The following BCAS3 variants were observed in gnomAD, a reference collection of about 807,000 sequenced individuals.
BCAS3 encodes the protein BCAS4/BCAS3 fusion.
A neutral mutation model predicts 116.1 loss-of-function variants in BCAS3; 53 were observed. That is an observed-to-expected ratio of 0.46 (90% CI 0.37 to 0.57). BCAS3 has a LOEUF of 0.57. BCAS3 is among the 20% of genes least tolerant of loss of function. The probability of loss-of-function intolerance (pLI) is 0.00; values close to 1 mark genes in which losing one functional copy is unlikely to be tolerated. For missense variants in BCAS3, 917 were observed against 1,165.4 expected (o/e 0.79, Z 3.10); for synonymous variants, 391 against 408.2 (o/e 0.96, Z 0.51).
chr17:60,751,719 T>C (rs2042485036), intron 6 of BCAS3, among the ~76,000 whole-genome samples: 2 of 152,068 alleles, frequency 1.3e-5, no homozygotes, highest in South Asian at 4.1e-4. Flanking sequence ...GTTTTTGTAA[T>C]TTTAGTAGAG....
At position 61,316,330 on chromosome 17, in the gene BCAS3, A is replaced by G. The variant is rs1310952563; in HGVS notation, c.2426-51997A>G. On this transcript the variant is annotated intron_variant, in intron 22 of 23. Coordinates refer to ENST00000407086, the MANE Select transcript of BCAS3 (RefSeq NM_017679.5). This position sits in a 1 kb window ranked among gnomAD's most constrained non-coding sequence, Gnocchi z 5.8. Reference sequence around the variant, plus strand: ...CAATAATAATAATATTAATAGTAATATAGCAGGTACTTAGTAAATGTGTGC... The same window carrying G: ...CAATAATAATAATATTAATAGTAATGTAGCAGGTACTTAGTAAATGTGTGC... 6.6e-6 allele frequency among the ~76,000 whole-genome samples: 1 copy of G among 152,168 alleles called. No individual in the cohort carries two copies. The highest frequency in any genetic ancestry group is 2.4e-5 in the African/African-American group (1 of 41,422).
intron 11 of BCAS3, among the ~76,000 whole-genome samples, chr17:60,906,842 A>C (rs1362395284): frequency 6.6e-6 from 1 of 152,196 alleles, no homozygotes. Context: ...CACGTTAAAA[A>C]GCCATGTAGT....
At position 61,088,362 on chromosome 17, in the gene BCAS3, C is replaced by T. The variant is rs1388090949; in HGVS notation, c.2425+3798C>T. 6.6e-6 allele frequency among the ~76,000 whole-genome samples: 1 copy of T among 152,202 alleles called. No homozygotes were observed. The highest frequency in any genetic ancestry group is 1.5e-5 in the Non-Finnish European group (1 of 68,044). On this transcript the variant is annotated intron_variant, in intron 22 of 23. Transcript: ENST00000407086. This position sits in a 1 kb window ranked among gnomAD's most constrained non-coding sequence, Gnocchi z 4.2. The stretch of plus-strand genomic sequence containing the variant: ...AAATGGGATTTGGGGCAGTTGCTCA[C>T]TTTTTCCCATATCCAGCTGATGAAC...
intron 22 of BCAS3, among the ~76,000 whole-genome samples, chr17:61,090,989 G>A (rs6504017): frequency 0.076 from 11,625 of 152,178 alleles, 1,442 homozygotes; most frequent in African/African-American, 0.26. Context: ...GATGTTAGAA[G>A]ACCAAAGTCA....
chr17:61,099,169 C>A (rs2074162174), intron 22 of BCAS3, among the ~76,000 whole-genome samples: 1 of 151,880 alleles, frequency 6.6e-6, no homozygotes. Context: ...ATTGGATTAC[C>A]TTATATGTAG....
chr17:61,067,271 GTGTATATATATATATATATATA>G (rs1166950106), intron 19 of BCAS3, among the ~76,000 whole-genome samples: 2 of 55,128 alleles, frequency 3.6e-5, no homozygotes, highest in African/African-American at 1.5e-4. Context: ...ATGTGTGTAT[GTGTATATATATATATATATATA>G]TATATATATA....
intron 10 of BCAS3, among the ~76,000 whole-genome samples, chr17:60,892,902 A>G (rs1291292156): frequency 6.6e-6 from 1 of 152,104 alleles, no homozygotes; most frequent in Non-Finnish European, 1.5e-5. Context: ...AGCCTGGCCA[A>G]CAAGAATGAA....
intron 22 of BCAS3, among the ~76,000 whole-genome samples, chr17:61,255,144 T>C (rs1217329483): frequency 6.6e-6 from 1 of 152,196 alleles, no homozygotes; most frequent in Non-Finnish European, 1.5e-5. Flanking sequence ...AAGTTTCACA[T>C]GTTGCTCTTT....
In BCAS3 at chr17:61,136,671, T is replaced by C. The variant is rs992077085; in HGVS notation, c.2425+52107T>C. Among the ~76,000 whole-genome samples the C allele has an allele frequency of 6.6e-6, 1 of 152,206 alleles. No individual in the cohort carries two copies. Among genetic ancestry groups the C allele is most frequent in the East Asian group, 1.9e-4 (1 of 5,192 alleles). Reference sequence around the variant, plus strand: ...GCCTCCCAGGTTCAAGCAATTCTTATACCTCAGCCTCCTGAGTAGCTGGGA... The same window carrying C: ...GCCTCCCAGGTTCAAGCAATTCTTACACCTCAGCCTCCTGAGTAGCTGGGA... On this transcript the variant is annotated intron_variant, in intron 22 of 23. Coordinates refer to ENST00000407086, the MANE Select transcript of BCAS3 (RefSeq NM_017679.5). This position sits in a 1 kb window ranked among gnomAD's most constrained non-coding sequence, Gnocchi z 4.4.
At chr17:60,694,449 C>T (rs963034286) in intron 4 of BCAS3, among the ~76,000 whole-genome samples, 5 of 151,822 alleles carry the variant, frequency 3.3e-5, no homozygotes, top group Admixed American at 2.0e-4. Context: ...TGCAACAAGC[C>T]GAGACTGTGC....
intron 22 of BCAS3, among the ~76,000 whole-genome samples, chr17:61,179,874 CTTTTTT>C (rs5821309): frequency 5.6e-5 from 7 of 124,500 alleles, no homozygotes; most frequent in East Asian, 2.3e-4. Context: ...CTCTCTCTCT[CTTTTTT>C]TTTTTTTTTT....
intron 7 of BCAS3, chr17:60,810,163 G>A (rs2048663279): frequency 2.4e-6 from 1 of 417,082 alleles, no homozygotes; most frequent in Admixed American, 2.8e-5. Context: ...CCACTGGACA[G>A]CATGAGCTTC....
At chr17:61,353,072 G>A (rs889409683) in intron 22 of BCAS3, among the ~76,000 whole-genome samples, 1 of 152,164 alleles carries the variant, frequency 6.6e-6, no homozygotes, top group Admixed American at 6.5e-5. Flanking sequence ...GGAGACATCA[G>A]TTGAATGTCT....
At chr17:60,678,324 G>A (rs567044950) in intron 1 of BCAS3, among the ~76,000 whole-genome samples, 6 of 152,172 alleles carry the variant, frequency 3.9e-5, no homozygotes, top group African/African-American at 1.4e-4. Context: ...TTGGTTGTAG[G>A]AGGTGGGGCG....
At chr17:60,849,100 A>G (rs1326578863) in intron 7 of BCAS3, among the ~76,000 whole-genome samples, 1 of 152,198 alleles carries the variant, frequency 6.6e-6, no homozygotes, top group African/African-American at 2.4e-5. Context: ...ACACATAGAT[A>G]CACACAAAAC....
At position 61,023,474 on chromosome 17, in the gene BCAS3, C is replaced by T. The variant is rs2145563304; in HGVS notation, c.1637+7573C>T. On this transcript the variant is annotated intron_variant, in intron 16 of 23. Coordinates refer to ENST00000407086, the MANE Select transcript of BCAS3 (RefSeq NM_017679.5). This position sits in a 1 kb window ranked among gnomAD's most constrained non-coding sequence, Gnocchi z 4.8. The stretch of plus-strand genomic sequence containing the variant: ...TTCTTTAACTCTGGAGATGATTGAA[C>T]AGAATTGTTACTAATACCTTTTAGC... Among the ~76,000 whole-genome samples the T allele has an allele frequency of 6.6e-6, 1 of 152,276 alleles. No homozygotes were observed. The highest frequency in any genetic ancestry group is 6.5e-5 in the Admixed American group (1 of 15,300).
chr17:60,968,784 C>T (rs1162239441), intron 14 of BCAS3, among the ~76,000 whole-genome samples: 1 of 152,098 alleles, frequency 6.6e-6, no homozygotes, highest in East Asian at 1.9e-4. Flanking sequence ...CTCCTTTGGC[C>T]AAGTAATGGA....
chr17:61,114,799 A>C (rs2075318956), intron 22 of BCAS3, among the ~76,000 whole-genome samples: 1 of 149,572 alleles, frequency 6.7e-6, no homozygotes, highest in Non-Finnish European at 1.5e-5. Flanking sequence ...CTAAGCCAAA[A>C]GAACAAAGCT....
At chr17:60,890,682 G>C (rs1008585296) in intron 10 of BCAS3, among the ~76,000 whole-genome samples, 2 of 152,104 alleles carry the variant, frequency 1.3e-5, no homozygotes, top group Admixed American at 1.3e-4. Flanking sequence ...AGGTAAATTT[G>C]AATCTTCAAA....
Sources: allele counts gnomAD v4.1 joint callset (sites outside exome capture counted in the v4.1 genomes callset), GRCh38; gene constraint gnomAD v4.1.1; non-coding constraint Gnocchi (gnomAD v3.1); transcripts MANE v1.5; gene names NCBI Gene and HGNC (gene_info 2026-07-23, HGNC 2026-07-21).